STARD9: variants seen among roughly 807,000 people sequenced by gnomAD.
The protein encoded by STARD9 is stAR-related lipid transfer protein 9.
Under a neutral mutation model 399.8 loss-of-function variants are expected in STARD9, and 346 were observed. The observed-to-expected ratio is 0.87, with a 90% CI of 0.79 to 0.95. The LOEUF is 0.95. STARD9 is among the 40% of genes least tolerant of loss of function. The probability of loss-of-function intolerance (pLI) is 0.00; values close to 1 mark genes in which losing one functional copy is unlikely to be tolerated. For synonymous variants in STARD9, 2,203 were observed against 2,143.5 expected (o/e 1.03, Z -0.77); for missense variants, 5,832 against 5,667.5 (o/e 1.03, Z -0.93).
chr15:42,719,633 C>A lies in STARD9; in HGVS notation c.*59C>A, dbSNP rs943620882. The stretch of plus-strand genomic sequence containing the variant: ...AGGCCCAGGCTGCTCAAGAGAGACA[C>A]TGTGGCAGCTCCTTGTTACTTTCCA... On this transcript the variant is annotated 3_prime_UTR_variant, in exon 33 of 33. Transcript: ENST00000290607. The A allele has an allele frequency of 9.1e-7, 1 of 1,093,070 alleles. No individual in the cohort carries two copies. The highest frequency in any genetic ancestry group is 1.3e-6 in the Non-Finnish European group (1 of 750,792). 67.7% of individuals were successfully genotyped at this position (1,093,070 alleles called of 1,614,324 possible).
chr15:42,715,462 C>G (rs562004459), intron 26 of STARD9, among the ~76,000 whole-genome samples: 141 of 151,986 alleles, frequency 9.3e-4, no homozygotes, highest in African/African-American at 3.3e-3. Flanking sequence ...GGGAGGATCA[C>G]TTGAGCCCAG....
intron 15 of STARD9, among the ~76,000 whole-genome samples, chr15:42,666,190 C>T (rs2060099692): frequency 6.6e-6 from 1 of 152,174 alleles, no homozygotes; most frequent in Non-Finnish European, 1.5e-5. Context: ...GCAAGAGGTA[C>T]AGAGAGGTCC....
Position 42,686,130 on chromosome 15 carries a change from G to A in STARD9, c.4552G>A (p.Gly1518Ser). 6.5e-7 allele frequency: 1 copy of A among 1,537,244 alleles called. No homozygotes were observed. The highest frequency in any genetic ancestry group is 8.7e-7 in the Non-Finnish European group (1 of 1,146,910). Residue 1518 changes from glycine (G) to serine (S), a missense_variant, in exon 23 of 33, where the codon GGT becomes AGT. Gly to Ser is a moderately conservative substitution (Grantham distance 56, BLOSUM62 0). This residue lies in a region of STARD9 where 5,828 missense variants were observed against 5,651.1 expected (regional missense o/e 1.03). Coordinates refer to ENST00000290607, the MANE Select transcript of STARD9 (RefSeq NM_020759.3). ...PAYPYLEEDS[G>S]SLAQASSKGG... The stretch of plus-strand genomic sequence containing the variant: ...TTACCCCTACCTTGAGGAAGACTCT[G>A]GTTCCCTGGCCCAAGCTTCTAGCAA...
chr15:42,713,813 T>G (rs1260751897), intron 26 of STARD9, among the ~76,000 whole-genome samples: 1 of 152,134 alleles, frequency 6.6e-6, no homozygotes, highest in Non-Finnish European at 1.5e-5. Context: ...GATTTGTGTG[T>G]GTGTATTCAT....
At chr15:42,706,087 C>T (rs2061073437) in intron 26 of STARD9, among the ~76,000 whole-genome samples, 1 of 152,124 alleles carries the variant, frequency 6.6e-6, no homozygotes, top group South Asian at 2.1e-4. Flanking sequence ...TTAGGATCAC[C>T]TTGTCTAGTT....
chr15:42,651,034 TTACCAATTATAAGCAAG>T lies in STARD9; in HGVS notation c.581_597del (p.Thr194AsnfsTer20). On this transcript the variant is annotated frameshift_variant, in exon 8 of 33. Coordinates refer to ENST00000290607, the MANE Select transcript of STARD9 (RefSeq NM_020759.3). LOFTEE classifies it high-confidence loss of function. ...CCGATAGGTTTATCTCAACATGTAG[TTACCAATTATAAGCAAG>T]TAATCCAACTCTTGGAGGAGGGAAT... The T allele has an allele frequency of 6.5e-7, 1 of 1,533,766 alleles. No homozygotes were observed. The highest frequency in any genetic ancestry group is 8.7e-7 in the Non-Finnish European group (1 of 1,144,478).
At chr15:42,659,558 C>T (rs1015174991) in intron 9 of STARD9, among the ~76,000 whole-genome samples, 1 of 152,178 alleles carries the variant, frequency 6.6e-6, no homozygotes, top group Admixed American at 6.5e-5. Flanking sequence ...TGGAGTCTCA[C>T]TCTGTTGCCC....
chr15:42,709,056 G>A (rs1172624010), intron 26 of STARD9, among the ~76,000 whole-genome samples: 1 of 152,132 alleles, frequency 6.6e-6, no homozygotes, highest in Non-Finnish European at 1.5e-5. Context: ...TGTTAAGGTG[G>A]TGGTTGGGGG....
In STARD9 at chr15:42,689,968, C is replaced by T; in HGVS notation, c.8390C>T (p.Ser2797Leu). 6.5e-7 allele frequency: 1 copy of T among 1,537,602 alleles called. No individual in the cohort carries two copies. Among genetic ancestry groups the T allele is most frequent in the East Asian group, 2.4e-5 (1 of 40,926 alleles). ...CTAGACACCACATATGGAGAAGTTT[C>T]AGATAATTTGTTAGTGACTGCACAG... is the stretch of plus-strand genomic sequence containing the variant. ...RTLDTTYGEV[S>L]DNLLVTAQGE... Residue 2797 changes from serine (S) to leucine (L), a missense_variant, in exon 23 of 33, where the codon TCA (serine) becomes TTA (leucine). Around this residue, in one of 2 missense-constraint regions of STARD9, gnomAD observed 5,828 missense variants for 5,651.1 expected, o/e 1.03. Transcript: ENST00000290607.
At chr15:42,627,986 GT>G (rs920986109) in intron 3 of STARD9, among the ~76,000 whole-genome samples, 1 of 151,764 alleles carries the variant, frequency 6.6e-6, no homozygotes, top group Non-Finnish European at 1.5e-5. Context: ...TATCTTTAGT[GT>G]TTTTTTTCTG....
At chr15:42,652,404 T>G in intron 8 of STARD9, 116 bp from the exon 9 acceptor site, 1 of 861,572 alleles carries the variant, frequency 1.2e-6, no homozygotes. Flanking sequence ...TATGTGTGTT[T>G]TATGATTCTT....
intron 25 of STARD9, 53 bp downstream of exon 25, chr15:42,695,376 G>C: frequency 2.1e-6 from 3 of 1,446,634 alleles, no homozygotes; most frequent in Non-Finnish European, 2.8e-6. Context: ...CCTCAGACTG[G>C]TACACCTTCA....
chr15:42,577,155 T>G (rs571566920), intron 1 of STARD9, among the ~76,000 whole-genome samples: 1 of 151,858 alleles, frequency 6.6e-6, no homozygotes, highest in East Asian at 1.9e-4. Flanking sequence ...ATTTCTTTCT[T>G]TTTTCTTTTT....
intron 15 of STARD9, among the ~76,000 whole-genome samples, chr15:42,667,512 G>T (rs555909852): frequency 7.1e-6 from 1 of 140,536 alleles, no homozygotes; most frequent in Non-Finnish European, 1.5e-5. Flanking sequence ...ACAGAGTTTC[G>T]CTCTTGTCAT....
intron 26 of STARD9, among the ~76,000 whole-genome samples, chr15:42,715,914 G>C (rs2061340615): frequency 6.6e-6 from 1 of 152,194 alleles, no homozygotes; most frequent in Non-Finnish European, 1.5e-5. Flanking sequence ...AGTAGTGAAA[G>C]GCTTCTGACA....
At chr15:42,639,537 G>A (rs752173501) in intron 7 of STARD9, among the ~76,000 whole-genome samples, 4 of 152,158 alleles carry the variant, frequency 2.6e-5, no homozygotes, top group East Asian at 1.9e-4. Context: ...TTTTATAGGC[G>A]AAGTTTTTAC....
chr15:42,647,321 A>G (rs2059665054), intron 7 of STARD9, among the ~76,000 whole-genome samples: 2 of 152,208 alleles, frequency 1.3e-5, no homozygotes, highest in South Asian at 2.1e-4. Flanking sequence ...TTTAACAGAT[A>G]CTAAGAAATG....
chr15:42,686,610 A>G lies in STARD9; in HGVS notation c.5032A>G (p.Asn1678Asp). 11 of 1,537,328 alleles carry G rather than the reference A, an allele frequency of 7.2e-6. No homozygotes were observed. Among genetic ancestry groups the G allele is most frequent in the Non-Finnish European group, 9.6e-6 (11 of 1,146,948 alleles). ...WSQGWAPLRK[N>D]SAVQPGQLSP... ...CCAAGGCTGGGCTCCTCTCAGGAAA[A>G]ATAGTGCAGTCCAGCCAGGGCAATT... Residue 1678 changes from asparagine (N) to aspartate (D), a missense_variant, in exon 23 of 33, where the codon AAT (asparagine) becomes GAT (aspartate). By Grantham distance (23) the Asn-to-Asp change is conservative. Transcript: ENST00000290607.
rs34614271 is a variant in STARD9 at position 42,699,392 on chromosome 15, C to CTTTTTTTT, written c.13284+3525_13284+3532dup. On this transcript the variant is annotated intron_variant, in intron 26 of 32. Transcript: ENST00000290607. ...TCTATGAGATCAACTTTTTTCTTTT[C>CTTTTTTTT]TTTTTTTTTTTTTTTTTTTTGAGAT... Among the ~76,000 whole-genome samples, 191 of 113,282 alleles carry CTTTTTTTT rather than the reference C, an allele frequency of 1.7e-3. 13 individuals carry two copies. Among genetic ancestry groups the CTTTTTTTT allele is most frequent in the African/African-American group, 6.7e-3 (165 of 24,544 alleles). The allele number at this position is 113,282 out of a possible 152,430, so 74.3% of individuals were successfully genotyped here. A position where few individuals can be genotyped will look rare whatever the true frequency, so the allele number is the denominator to read the frequency against.
Sources: allele counts gnomAD v4.1 joint callset (sites outside exome capture counted in the v4.1 genomes callset), GRCh38; gene constraint gnomAD v4.1.1; regional missense constraint gnomAD v4.1.1; transcripts MANE v1.5; gene names NCBI Gene and HGNC (gene_info 2026-07-23, HGNC 2026-07-21).